The following PRKCZ variants were observed in gnomAD, a reference collection of about 807,000 sequenced individuals.
PRKCZ encodes protein kinase C zeta type.
PRKCZ carries 33 observed loss-of-function variants against 79.5 expected under a neutral mutation model. The observed-to-expected ratio is 0.41, with a 90% CI of 0.31 to 0.55. The LOEUF is 0.55. Ranked by LOEUF, PRKCZ falls within the 20% of genes least tolerant of loss-of-function variation. The pLI, the probability that PRKCZ is intolerant of heterozygous loss-of-function variation, is 0.19. For missense variants in PRKCZ, 578 were observed against 813.5 expected, an observed-to-expected ratio of 0.71 and a Z score of 3.52; for synonymous variants, 342 against 320.9, an observed-to-expected ratio of 1.07 and a Z score of -0.70.
At chr1:2,180,632 AGATGCACGGACACCCAGATGACATG>A (rs1572046546) in intron 16 of PRKCZ, among the ~76,000 whole-genome samples, 2 of 152,072 alleles carry the variant, frequency 1.3e-5, no homozygotes, top group East Asian at 1.9e-4. Flanking sequence ...CAGACGACTC[AGATGCACGGACACCCAGATGACATG>A]GATGCACGGA....
chr1:2,067,702 A>G (rs1253875598), intron 4 of PRKCZ, among the ~76,000 whole-genome samples: 2 of 152,020 alleles, frequency 1.3e-5, no homozygotes, highest in Non-Finnish European at 2.9e-5. Context: ...CTCCATCTTC[A>G]CTGTCCGTTC....
At chr1:2,091,556 T>A (rs1665506584) in intron 4 of PRKCZ, among the ~76,000 whole-genome samples, 1 of 152,060 alleles carries the variant, frequency 6.6e-6, no homozygotes, top group Non-Finnish European at 1.5e-5. Context: ...CTGGCCGTCC[T>A]CTTGGGGCGA....
chr1:2,081,830 C>G (rs1439007453), intron 4 of PRKCZ, among the ~76,000 whole-genome samples: 1 of 152,230 alleles, frequency 6.6e-6, no homozygotes, highest in East Asian at 1.9e-4. Context: ...CGCCCCGCCC[C>G]CCAGCATCCC....
At chr1:2,053,364 G>A (rs545449760) in intron 1 of PRKCZ, among the ~76,000 whole-genome samples, 170 of 152,310 alleles carry the variant, frequency 1.1e-3, no homozygotes, top group South Asian at 2.7e-3. Flanking sequence ...CTCCCAAAGC[G>A]CTGGGATGAA....
intron 7 of PRKCZ, among the ~76,000 whole-genome samples, chr1:2,147,255 A>T (rs1051829268): frequency 1.4e-5 from 2 of 146,548 alleles, no homozygotes; most frequent in Non-Finnish European, 3.0e-5. Context: ...GTCTCCATCT[A>T]TCCATCTGTC....
Position 2,072,005 on chromosome 1 carries a change from G to T in PRKCZ, c.334+12414G>T, listed in dbSNP as rs564613711. 3.3e-5 allele frequency among the ~76,000 whole-genome samples: 5 copies of T among 152,344 alleles called. 1 individual carries two copies. The South Asian group carries it at 1.0e-3, about 32-fold the overall frequency. On this transcript the variant is annotated intron_variant, in intron 4 of 17. Coordinates refer to ENST00000378567, the MANE Select transcript of PRKCZ (RefSeq NM_002744.6). ...AATATTATCCTTTTCATTTTATTCA[G>T]CCAATTAAAAGCGTAGAAATCCTAG...
At chr1:2,180,592 C>T (rs1023873226) in intron 16 of PRKCZ, among the ~76,000 whole-genome samples, 12 of 151,882 alleles carry the variant, frequency 7.9e-5, no homozygotes, top group Admixed American at 5.9e-4. Context: ...GACGCACGGA[C>T]GACGTGGACG....
rs1188607504 is a variant in PRKCZ at position 2,149,882 on chromosome 1, G to T, written c.688-908G>T. 6.6e-6 allele frequency among the ~76,000 whole-genome samples: 1 copy of T among 151,426 alleles called. No homozygotes were observed. Among genetic ancestry groups the T allele is most frequent in the Non-Finnish European group, 1.5e-5 (1 of 67,930 alleles). ...TCTCAAAAAAAGCAGAATCCGGCTG[G>T]GCGCGGTGGCTCACGCCTGTAATCC... is the stretch of plus-strand genomic sequence containing the variant. On this transcript the variant is annotated intron_variant, in intron 8 of 17. Coordinates refer to ENST00000378567, the MANE Select transcript of PRKCZ (RefSeq NM_002744.6). This position sits in a 1 kb window ranked among gnomAD's most constrained non-coding sequence, Gnocchi z 4.1.
intron 10 of PRKCZ, among the ~76,000 whole-genome samples, chr1:2,159,589 T>C (rs1035535354): frequency 3.3e-5 from 5 of 152,236 alleles, no homozygotes; most frequent in Admixed American, 1.3e-4. Flanking sequence ...TCAGAATTGC[T>C]TTCTTTCCAC....
At chr1:2,169,011 C>T (rs140859786) in intron 10 of PRKCZ, 5,455 of 373,946 alleles carry the variant, frequency 0.015, 50 homozygotes, top group Non-Finnish European at 0.02. Context: ...TGCCACTTCC[C>T]ACCTGGCTTC....
chr1:2,158,088 G>A (rs1681460741), intron 10 of PRKCZ, among the ~76,000 whole-genome samples: 1 of 152,188 alleles, frequency 6.6e-6, no homozygotes, highest in Admixed American at 6.5e-5. Context: ...CTGTCTGTCG[G>A]AAGAGCCGGC....
In PRKCZ at chr1:2,184,606, T is replaced by A. The variant is rs958023599; in HGVS notation, c.1599T>A (p.Pro533=). The A allele has an allele frequency of 1.2e-6, 2 of 1,613,980 alleles. No individual in the cohort carries two copies. Among genetic ancestry groups the A allele is most frequent in the East Asian group, 2.2e-5 (1 of 44,876 alleles). Residue 533 remains proline (P), a synonymous_variant, in exon 17 of 18, where the codon CCT becomes CCA. Transcript: ENST00000378567. The part of the protein sequence containing the change: ...WDLLEKKQAL[P]PFQPQITDDY... Reference sequence around the variant, plus strand: ...AGCTGGAGAAGAAGCAGGCGCTCCCTCCATTCCAGCCACAGATCACAGACG... The same window carrying A: ...AGCTGGAGAAGAAGCAGGCGCTCCCACCATTCCAGCCACAGATCACAGACG...
chr1:2,055,663 T>C (rs1571080655), intron 2 of PRKCZ, 101 bp downstream of exon 2: 1 of 1,467,862 alleles, frequency 6.8e-7, no homozygotes, highest in East Asian at 2.4e-5. Flanking sequence ...GTGGGGAGAC[T>C]TAAAGCTGTG....
chr1:2,150,086 C>T (rs1298732064), intron 8 of PRKCZ, among the ~76,000 whole-genome samples: 8 of 136,112 alleles, frequency 5.9e-5, no homozygotes, highest in African/African-American at 2.3e-4. Context: ...GGCGTGAACC[C>T]GGGAGGTGGA....
rs1360304030 is a variant in PRKCZ, at chr1:2,150,968, A to G, written c.866A>G (p.His289Arg). The stretch of plus-strand genomic sequence containing the variant: ...AAAGTGGTGAAGAAAGAGCTGGTGC[A>G]TGATGACGAGGTAGGTGCCGCTTCT... The part of the protein sequence containing the change: ...AMKVVKKELV[H>R]DDEDIDWVQT... Residue 289 changes from histidine (H) to arginine (R), a missense_variant, in exon 9 of 18, where the codon CAT becomes CGT. By Grantham distance (29) the His-to-Arg change is conservative (BLOSUM62 0). This residue lies in a region of PRKCZ where 243 missense variants were observed against 467.0 expected (regional missense o/e 0.52). Transcript: ENST00000378567. 3.1e-5 allele frequency: 50 copies of G among 1,613,568 alleles called. No homozygotes were observed. Among genetic ancestry groups the G allele is most frequent in the Non-Finnish European group, 3.8e-5 (45 of 1,180,016 alleles).
rs1199927888 is a variant in PRKCZ, at chr1:2,178,563, G to A, written c.1575+3250G>A. 6.6e-6 allele frequency among the ~76,000 whole-genome samples: 1 copy of A among 152,194 alleles called. No homozygotes were observed. Among genetic ancestry groups the A allele is most frequent in the African/African-American group, 2.4e-5 (1 of 41,440 alleles). ...TGAACCCGCTTCTGGGTGGACACGT[G>A]TTTATTTCTCTTGGGCACGTGCTCA... is the stretch of plus-strand genomic sequence containing the variant. On this transcript the variant is annotated intron_variant, in intron 16 of 17. Coordinates refer to ENST00000378567, the MANE Select transcript of PRKCZ (RefSeq NM_002744.6). This position sits in a 1 kb window ranked among gnomAD's most constrained non-coding sequence, Gnocchi z 4.3.
chr1:2,172,425 A>C lies in PRKCZ; in HGVS notation c.1285+37A>C. 1 of 1,587,030 alleles carries C rather than the reference A, an allele frequency of 6.3e-7. No individual in the cohort carries two copies. The highest frequency in any genetic ancestry group is 1.1e-5 in the South Asian group (1 of 88,208). ...TGCCCTGGCCCCTCTCGGAGCACAC[A>C]GGGCCAGAGATGGCTTCGGGCCTGG... On this transcript the variant is annotated intron_variant, in intron 13 of 17. Coordinates refer to ENST00000378567, the MANE Select transcript of PRKCZ (RefSeq NM_002744.6). This position sits in a 1 kb window ranked among gnomAD's most constrained non-coding sequence, Gnocchi z 7.8.
chr1:2,164,701 TA>T (rs1682992441), intron 10 of PRKCZ, among the ~76,000 whole-genome samples: 1 of 152,246 alleles, frequency 6.6e-6, no homozygotes, highest in South Asian at 2.1e-4. Flanking sequence ...ATTGGATTTT[TA>T]AATTTTCCTA....
intron 4 of PRKCZ, among the ~76,000 whole-genome samples, chr1:2,068,837 C>A (rs1434318221): frequency 6.6e-6 from 1 of 152,202 alleles, no homozygotes; most frequent in East Asian, 1.9e-4. Flanking sequence ...GCTGGGCCGG[C>A]GCCTGGCAGG....
Sources: gnomAD v4.1 joint callset for allele counts (sites outside exome capture counted in the v4.1 genomes callset) on GRCh38, gnomAD v4.1.1 for gene constraint, gnomAD v4.1.1 regional missense constraint, Gnocchi (gnomAD v3.1) non-coding constraint, MANE v1.5 for transcripts, NCBI Gene and HGNC (gene_info 2026-07-23, HGNC 2026-07-21) for gene names.